The following NUP210 variants were observed in gnomAD, a reference collection of about 807,000 sequenced individuals.
NUP210 encodes nucleoporin 210, also known as nuclear pore membrane glycoprotein 210.
Under a neutral mutation model 196.0 loss-of-function variants are expected in NUP210, and 151 were observed. The ratio of observed to expected loss-of-function variants is 0.77; its 90% confidence interval spans 0.67 to 0.88. NUP210 has a LOEUF of 0.88. Ranked by LOEUF, NUP210 falls within the 40% of genes least tolerant of loss-of-function variation. The probability of loss-of-function intolerance (pLI) is 0.00; values close to 1 mark genes in which losing one functional copy is unlikely to be tolerated. For missense variants in NUP210, 2,314 were observed against 2,493.7 expected (o/e 0.93, Z 1.53); for synonymous variants, 1,070 against 1,052.7 (o/e 1.02, Z -0.32).
In NUP210 at chr3:13,330,516, C is replaced by T. The variant is rs772112069; in HGVS notation, c.4054G>A (p.Glu1352Lys). The stretch of plus-strand genomic sequence containing the variant: ...CCAAAGGGCTCTTGTGCAATCACTT[C>T]GATGGTGGATGTCCCGATCATAGAC... ...SGSMIGTSTI[E>K]VIAQEPFGAN... The change falls in exon 30 of 40, where the codon GAA (glutamate) becomes AAA (lysine). Residue 1352 changes from glutamate to lysine, a missense_variant. Physicochemically the swap from Glu to Lys is moderately conservative, Grantham distance 56. Transcript: ENST00000254508. 7 of 1,614,084 alleles carry T rather than the reference C, an allele frequency of 4.3e-6. No homozygotes were observed. The highest frequency in any genetic ancestry group is 3.3e-5 in the South Asian group (3 of 91,084).
rs1268022038 is a variant in NUP210, at chr3:13,352,069, A to G, written c.2733+11T>C. 1 of 1,612,226 alleles carries G rather than the reference A, an allele frequency of 6.2e-7. No individual in the cohort carries two copies. Among genetic ancestry groups the G allele is most frequent in the African/African-American group, 1.3e-5 (1 of 74,880 alleles). On this transcript the variant is annotated intron_variant, in intron 19 of 39. Transcript: ENST00000254508. ...GTCTTGCCCAGGAAGGTGGCAGGGC[A>G]AGGACTGTACCTGGATGCCAGGGTG...
In NUP210 at chr3:13,347,310, A is replaced by C. The variant is rs1284595233; in HGVS notation, c.2836-4007T>G. On this transcript the variant is annotated intron_variant, in intron 20 of 39. Coordinates refer to ENST00000254508, the MANE Select transcript of NUP210 (RefSeq NM_024923.4). This position sits in a 1 kb window ranked among gnomAD's most constrained non-coding sequence, Gnocchi z 4.7. ...GAGTGCACGAGTTAATGGGAAATGT[A>C]AAGTGCCCAGCAGGCTCCTTCCCCT... 2 of 985,466 alleles carry C rather than the reference A, an allele frequency of 2.0e-6. No individual in the cohort carries two copies. The highest frequency in any genetic ancestry group is 1.1e-4 in the East Asian group (1 of 8,820). The allele number at this position is 985,466 out of a possible 1,614,324, so 61.0% of individuals were successfully genotyped here.
chr3:13,407,442 C>T (rs7621547), intron 1 of NUP210, among the ~76,000 whole-genome samples: 33,853 of 151,990 alleles, frequency 0.22, 5,956 homozygotes, highest in African/African-American at 0.49. Flanking sequence ...ATGATACCAC[C>T]AAGGCATCCT....
At chr3:13,418,886 T>G (rs2124972683) in intron 1 of NUP210, among the ~76,000 whole-genome samples, 1 of 134,964 alleles carries the variant, frequency 7.4e-6, no homozygotes, top group Non-Finnish European at 1.5e-5. Context: ...GAGGTGGAGG[T>G]TGCAGTGAGC....
At position 13,332,242 on chromosome 3, in the gene NUP210, A is replaced by C. The variant is rs767290690; in HGVS notation, c.3935+51T>G. 4.1e-6 allele frequency: 6 copies of C among 1,450,826 alleles called. No individual in the cohort carries two copies. The East Asian group carries it at 1.4e-4, about 33-fold the overall frequency. The allele number at this position is 1,450,826 out of a possible 1,614,324, so 89.9% of individuals were successfully genotyped here. A position where few individuals can be genotyped will look rare whatever the true frequency, so the allele number is the denominator to read the frequency against. On this transcript the variant is annotated intron_variant, in intron 29 of 39. Coordinates refer to ENST00000254508, the MANE Select transcript of NUP210 (RefSeq NM_024923.4). ...ACAGTGTTGACACATGAGGTGTCGG[A>C]TGCAAGCACAGCCGCACAACTTTGC...
At chr3:13,403,499 G>A (rs907837423) in intron 1 of NUP210, among the ~76,000 whole-genome samples, 3 of 152,188 alleles carry the variant, frequency 2.0e-5, no homozygotes, top group African/African-American at 4.8e-5. Flanking sequence ...AAATGCCATC[G>A]CCTTGGGGAT....
rs556879950 is a variant in NUP210 at position 13,336,300 on chromosome 3, T to A, written c.3684+487A>T. 6.6e-4 allele frequency among the ~76,000 whole-genome samples: 101 copies of A among 152,228 alleles called. No homozygotes were observed. In the South Asian group the frequency reaches 0.021, roughly 31 times the overall value. On this transcript the variant is annotated intron_variant, in intron 27 of 39. Coordinates refer to ENST00000254508, the MANE Select transcript of NUP210 (RefSeq NM_024923.4). ...ACAGGGGCTGGTGCCCAGTACCATT[T>A]CCCCACTGGCTTGCTGGGCAACCCT...
At chr3:13,398,268 C>G (rs1346506236) in intron 2 of NUP210, among the ~76,000 whole-genome samples, 1 of 152,064 alleles carries the variant, frequency 6.6e-6, no homozygotes, top group Non-Finnish European at 1.5e-5. Context: ...GATGAAACCC[C>G]ATCTTTATTA....
chr3:13,361,180 C>T (rs151091338), intron 14 of NUP210, among the ~76,000 whole-genome samples: 22 of 152,358 alleles, frequency 1.4e-4, no homozygotes, highest in Middle Eastern at 3.4e-3. Context: ...GCTTCCCATA[C>T]TTTGCACCAC....
At position 13,347,309 on chromosome 3, in the gene NUP210, T is replaced by C. The variant is rs1487734593; in HGVS notation, c.2836-4006A>G. ...TGAGTGCACGAGTTAATGGGAAATG[T>C]AAAGTGCCCAGCAGGCTCCTTCCCC... On this transcript the variant is annotated intron_variant, in intron 20 of 39. Transcript: ENST00000254508. This position sits in a 1 kb window ranked among gnomAD's most constrained non-coding sequence, Gnocchi z 4.7. The C allele has an allele frequency of 2.0e-6, 2 of 985,316 alleles. No homozygotes were observed. The highest frequency in any genetic ancestry group is 2.4e-6 in the Non-Finnish European group (2 of 829,932). The allele number at this position is 985,316 out of a possible 1,614,324, so 61.0% of individuals were successfully genotyped here. A position where few individuals can be genotyped will look rare whatever the true frequency, so the allele number is the denominator to read the frequency against.
intron 2 of NUP210, among the ~76,000 whole-genome samples, chr3:13,399,265 C>CAA (rs35136269): frequency 0.097 from 6,232 of 64,258 alleles, 488 homozygotes; most frequent in African/African-American, 0.18. Flanking sequence ...GACTCTGTCT[C>CAA]AAAAAAAAAA....
intron 17 of NUP210, 125 bp downstream of exon 17, chr3:13,353,790 A>G: frequency 8.2e-7 from 1 of 1,222,800 alleles, no homozygotes; most frequent in Non-Finnish European, 1.2e-6. Context: ...AACTATGTGG[A>G]TTGTAAGAGT....
At chr3:13,390,240 C>A (rs147616116) in intron 4 of NUP210, among the ~76,000 whole-genome samples, 1 of 152,262 alleles carries the variant, frequency 6.6e-6, no homozygotes, top group South Asian at 2.1e-4. Flanking sequence ...GGCTGGCAGC[C>A]GGCTCTCAGG....
At chr3:13,413,343 G>A (rs1181080719) in intron 1 of NUP210, among the ~76,000 whole-genome samples, 25 of 151,592 alleles carry the variant, frequency 1.6e-4, no homozygotes, top group Admixed American at 1.4e-3. Flanking sequence ...GGTGGCAGGC[G>A]CCTGTAGTCC....
intron 6 of NUP210, among the ~76,000 whole-genome samples, chr3:13,384,022 G>A (rs571689235): frequency 6.6e-6 from 1 of 152,280 alleles, no homozygotes; most frequent in Non-Finnish European, 1.5e-5. Context: ...GAGTGCAATG[G>A]CGCAATCTCG....
At chr3:13,365,409 G>C (rs1698495449) in intron 14 of NUP210, among the ~76,000 whole-genome samples, 1 of 152,202 alleles carries the variant, frequency 6.6e-6, no homozygotes, top group South Asian at 2.1e-4. Flanking sequence ...TGGACACTGA[G>C]GCTATGTGGT....
chr3:13,324,792 A>G (rs1696678883), intron 33 of NUP210, among the ~76,000 whole-genome samples: 1 of 152,206 alleles, frequency 6.6e-6, no homozygotes, highest in South Asian at 2.1e-4. Flanking sequence ...TGAGTGTGGC[A>G]TAAGCTTCTA....
At chr3:13,366,392 A>G (rs1698536572) in intron 13 of NUP210, among the ~76,000 whole-genome samples, 1 of 152,012 alleles carries the variant, frequency 6.6e-6, no homozygotes, top group African/African-American at 2.4e-5. Context: ...TCAGCCTCCC[A>G]AAGTGCTGGG....
chr3:13,374,298 C>A (rs1385354197), intron 11 of NUP210, among the ~76,000 whole-genome samples: 2 of 152,194 alleles, frequency 1.3e-5, no homozygotes, highest in Non-Finnish European at 2.9e-5. Flanking sequence ...ATACATTCAC[C>A]TACTCCCACC....
Sources: gnomAD v4.1 joint callset for allele counts (sites outside exome capture counted in the v4.1 genomes callset) on GRCh38, gnomAD v4.1.1 for gene constraint, Gnocchi (gnomAD v3.1) non-coding constraint, MANE v1.5 for transcripts, NCBI Gene and HGNC (gene_info 2026-07-23, HGNC 2026-07-21) for gene names.